Variants in TSTD2 observed in about 807,000 individuals in gnomAD.
TSTD2 encodes the protein thiosulfate sulfurtransferase like domain containing 2.
TSTD2 carries 37 observed loss-of-function variants against 47.9 expected under a neutral mutation model. That is an observed-to-expected ratio of 0.77 (90% CI 0.59 to 1.02). TSTD2 has a LOEUF of 1.02. TSTD2 is among the 50% of genes least tolerant of loss of function. TSTD2 has a pLI of 0.00. For missense variants in TSTD2, 586 were observed against 616.0 expected, an observed-to-expected ratio of 0.95 and a Z score of 0.52; for synonymous variants, 201 against 215.9, an observed-to-expected ratio of 0.93 and a Z score of 0.61.
chr9:97,619,490 T>A (rs1027321737), intron 3 of TSTD2, among the ~76,000 whole-genome samples: 2 of 152,110 alleles, frequency 1.3e-5, no homozygotes, highest in African/African-American at 4.8e-5. Context: ...ATAGTAAATA[T>A]GTATTACGAT....
At chr9:97,625,106 T>G (rs1481304947) in intron 3 of TSTD2, among the ~76,000 whole-genome samples, 1 of 152,076 alleles carries the variant, frequency 6.6e-6, no homozygotes, top group Non-Finnish European at 1.5e-5. Context: ...TCAAAAAATC[T>G]CTTGTGTATT....
At position 97,611,712 on chromosome 9, in the gene TSTD2, A is replaced by G; in HGVS notation, c.604-13T>C. Reference sequence around the variant, plus strand: ...CAGCAATTCGAATCTGAGACACAAGACGGTGAAAAAGAGAACAGATTGTTC... The same window carrying G: ...CAGCAATTCGAATCTGAGACACAAGGCGGTGAAAAAGAGAACAGATTGTTC... On this transcript the variant is annotated splice_polypyrimidine_tract_variant and intron_variant, in intron 4 of 9. Coordinates refer to ENST00000341170, the MANE Select transcript of TSTD2 (RefSeq NM_139246.5). 24 of 1,595,854 alleles carry G rather than the reference A, an allele frequency of 1.5e-5. No individual in the cohort carries two copies. Among genetic ancestry groups the G allele is most frequent in the Non-Finnish European group, 2.1e-5 (24 of 1,164,884 alleles).
Position 97,602,266 on chromosome 9 carries a change from C to T in TSTD2, c.*203G>A, listed in dbSNP as rs1826274347. 1.6e-6 allele frequency: 1 copy of T among 620,062 alleles called. No individual in the cohort carries two copies. 38.4% of individuals were successfully genotyped at this position (620,062 alleles called of 1,614,324 possible). Reference sequence around the variant, plus strand: ...TCACCTATTTTCTGTGCTCTAGCATCATCCAAATCAGAATGTCTCAGGTAA... The same window carrying T: ...TCACCTATTTTCTGTGCTCTAGCATTATCCAAATCAGAATGTCTCAGGTAA... On this transcript the variant is annotated 3_prime_UTR_variant, in exon 10 of 10. Transcript: ENST00000341170.
chr9:97,618,813 T>G (rs114915535), intron 3 of TSTD2, among the ~76,000 whole-genome samples: 1,671 of 152,318 alleles, frequency 0.011, 21 homozygotes, highest in African/African-American at 0.037. Flanking sequence ...CTCATCATAT[T>G]TCAGGGCCTA....
chr9:97,629,157 A>G (rs1826769767), intron 1 of TSTD2, among the ~76,000 whole-genome samples: 1 of 152,184 alleles, frequency 6.6e-6, no homozygotes, highest in Admixed American at 6.5e-5. Flanking sequence ...ACCACTAAGA[A>G]TGAGAGAAAG....
At position 97,605,537 on chromosome 9, in the gene TSTD2, C is replaced by T. The variant is rs757999293; in HGVS notation, c.1059G>A (p.Met353Ile). The T allele has an allele frequency of 2.5e-6, 4 of 1,614,090 alleles. No homozygotes were observed. The highest frequency in any genetic ancestry group is 1.3e-5 in the African/African-American group (1 of 74,934). The change falls in exon 8 of 10, where the codon ATG becomes ATA. Residue 353 changes from methionine to isoleucine, a missense_variant. Coordinates refer to ENST00000341170, the MANE Select transcript of TSTD2 (RefSeq NM_139246.5). ...CACAGCGGATGCCCCCGGTACAGTACATCAGCACTCTCTTCTCTCTGAAAA... is the reference window on the plus strand; with the variant it reads ...CACAGCGGATGCCCCCGGTACAGTATATCAGCACTCTCTTCTCTCTGAAAA... ...LELFREKRVL[M>I]YCTGGIRCER...
At chr9:97,617,930 G>T in intron 3 of TSTD2, 53 bp from the exon 4 acceptor site, 1 of 1,582,106 alleles carries the variant, frequency 6.3e-7, no homozygotes, top group Non-Finnish European at 8.6e-7. Flanking sequence ...GCATAAAGAA[G>T]TCACAATTCA....
chr9:97,604,419 A>T, intron 9 of TSTD2: 1 of 254,372 alleles, frequency 3.9e-6, no homozygotes, highest in Non-Finnish European at 7.4e-6. Context: ...AAGAGCCCTG[A>T]ATTAGCCCAG....
rs774642486 is a variant in TSTD2 at position 97,605,522 on chromosome 9, GC to G, written c.1073del (p.Gly358AlafsTer85). 1 of 1,613,946 alleles carries G rather than the reference GC, an allele frequency of 6.2e-7. No individual in the cohort carries two copies. The highest frequency in any genetic ancestry group is 1.3e-5 in the African/African-American group (1 of 74,908). On this transcript the variant is annotated frameshift_variant, in exon 8 of 10. Transcript: ENST00000341170. LOFTEE classifies it high-confidence loss of function. ...AGGCTGAACCCCGCTCACAGCGGAT[GC>G]CCCCGGTACAGTACATCAGCACTCT... Reference protein sequence around the residue: ...EKRVLMYCTGGIRCERGSAYL... With the variant: ...EKRVLMYCTGXIRCERGSAYL...
Position 97,601,764 on chromosome 9 carries a change from T to C in TSTD2, c.*705A>G, listed in dbSNP as rs1001460427. 3 of 186,124 alleles carry C rather than the reference T, an allele frequency of 1.6e-5. No homozygotes were observed. The highest frequency in any genetic ancestry group is 7.1e-5 in the African/African-American group (3 of 42,138). 11.5% of individuals were successfully genotyped at this position (186,124 alleles called of 1,614,324 possible). A position where few individuals can be genotyped will look rare whatever the true frequency, so the allele number is the denominator to read the frequency against. ...TTGAACAATATGGGTTTGAACTGCA[T>C]GGCTGCACTTATATATGGATTTTTT... On this transcript the variant is annotated 3_prime_UTR_variant, in exon 10 of 10. Transcript: ENST00000341170.
At chr9:97,611,726 A>G (rs1190501550) in intron 4 of TSTD2, 27 bp from the exon 5 acceptor site, 1 of 1,589,294 alleles carries the variant, frequency 6.3e-7, no homozygotes, top group Non-Finnish European at 8.6e-7. Context: ...TGAAAAAGAG[A>G]ACAGATTGTT....
At chr9:97,612,846 G>A (rs576014566) in intron 4 of TSTD2, among the ~76,000 whole-genome samples, 4 of 152,328 alleles carry the variant, frequency 2.6e-5, no homozygotes, top group South Asian at 2.1e-4. Flanking sequence ...ACAAGCCACC[G>A]TGCCCAGCTG....
chr9:97,602,119 A>C lies in TSTD2; in HGVS notation c.*350T>G. On this transcript the variant is annotated 3_prime_UTR_variant, in exon 10 of 10. Coordinates refer to ENST00000341170, the MANE Select transcript of TSTD2 (RefSeq NM_139246.5). ...GCTTTCATGTGTTTGCCACCAGGGT[A>C]GAAGGTCTGCTGACAAGGGCAATGA... 1 of 198,726 alleles carries C rather than the reference A, an allele frequency of 5.0e-6. No homozygotes were observed. The highest frequency in any genetic ancestry group is 6.0e-5 in the Admixed American group (1 of 16,784). 12.3% of individuals were successfully genotyped at this position (198,726 alleles called of 1,614,324 possible). A position where few individuals can be genotyped will look rare whatever the true frequency, so the allele number is the denominator to read the frequency against.
At chr9:97,629,404 A>G (rs1826774726) in intron 1 of TSTD2, among the ~76,000 whole-genome samples, 2 of 152,224 alleles carry the variant, frequency 1.3e-5, no homozygotes, top group Non-Finnish European at 2.9e-5. Context: ...CACTTGCACC[A>G]CATAAAATGC....
At chr9:97,614,018 C>A (rs957327359) in intron 4 of TSTD2, among the ~76,000 whole-genome samples, 1 of 151,774 alleles carries the variant, frequency 6.6e-6, no homozygotes, top group African/African-American at 2.4e-5. Context: ...TTAGTAGAGA[C>A]GGGGTTTCAC....
intron 9 of TSTD2, 96 bp downstream of exon 9, chr9:97,604,631 T>C (rs1826332956): frequency 2.6e-6 from 4 of 1,546,876 alleles, no homozygotes; most frequent in Admixed American, 1.8e-5. Flanking sequence ...TGCTCAGTAA[T>C]GAGCACTGGC....
chr9:97,606,414 G>A (rs913546533), intron 6 of TSTD2, among the ~76,000 whole-genome samples, 153 bp from the exon 7 acceptor site: 1 of 152,162 alleles, frequency 6.6e-6, no homozygotes, highest in African/African-American at 2.4e-5. Flanking sequence ...AACACTACTT[G>A]ATGATCATGA....
At chr9:97,625,359 G>C (rs1186026087) in intron 3 of TSTD2, among the ~76,000 whole-genome samples, 1 of 152,000 alleles carries the variant, frequency 6.6e-6, no homozygotes, top group Non-Finnish European at 1.5e-5. Context: ...CCAGTTTTTT[G>C]TTATTATGAA....
chr9:97,605,429 G>A (rs997679833), intron 8 of TSTD2, 54 bp downstream of exon 8: 60 of 1,603,338 alleles, frequency 3.7e-5, no homozygotes, highest in Non-Finnish European at 7.7e-6. Flanking sequence ...TAAGCTGCTG[G>A]TGGAGCTGCC....
Sources: allele counts gnomAD v4.1 joint callset (sites outside exome capture counted in the v4.1 genomes callset), GRCh38; gene constraint gnomAD v4.1.1; transcripts MANE v1.5; gene names NCBI Gene and HGNC (gene_info 2026-07-23, HGNC 2026-07-21).